Variants in PDK4 observed in about 807,000 individuals in gnomAD.
PDK4 encodes the protein pyruvate dehydrogenase kinase, isozyme 4.
PDK4 carries 43 observed loss-of-function variants against 51.7 expected under a neutral mutation model. The ratio of observed to expected loss-of-function variants is 0.83; its 90% CI spans 0.65 to 1.07. The LOEUF (loss-of-function observed/expected upper bound fraction) is 1.07, where lower values mean the gene tolerates loss of function less well. Ranked by LOEUF, PDK4 falls within the 50% of genes least tolerant of loss-of-function variation. The pLI is 0.00. For missense variants in PDK4, 498 were observed against 503.5 expected (o/e 0.99, Z 0.10); for synonymous variants, 170 against 176.6 (o/e 0.96, Z 0.30).
rs765846710 is a variant in PDK4 at position 95,591,970 on chromosome 7, AT to A, written c.694+17del. On this transcript the variant is annotated intron_variant, in intron 6 of 10. Coordinates refer to ENST00000005178, the MANE Select transcript of PDK4 (RefSeq NM_002612.4). ...CAGAATTTTCCACAGGTTAAAATAT[AT>A]TTTACTTATAACTTACCATTCACTT... The A allele has an allele frequency of 3.2e-6, 4 of 1,254,940 alleles. No homozygotes were observed. 77.7% of individuals were successfully genotyped at this position (1,254,940 alleles called of 1,614,324 possible).
chr7:95,584,219 C>T lies in PDK4; in HGVS notation c.*1422G>A, dbSNP rs535435215. On this transcript the variant is annotated 3_prime_UTR_variant, in exon 11 of 11. Transcript: ENST00000005178. ...AGAATCCATACTGCTTTCAAAACAC[C>T]AGTTCTTCCTCTTGCCAATGACATA... 3 of 152,254 alleles carry T rather than the reference C, an allele frequency of 2.0e-5. No individual in the cohort carries two copies. The South Asian group carries it at 6.2e-4, about 32-fold the overall frequency. 9.4% of individuals were successfully genotyped at this position (152,254 alleles called of 1,614,324 possible).
At position 95,588,613 on chromosome 7, in the gene PDK4, G is replaced by A. The variant is rs547182527; in HGVS notation, c.772-788C>T. On this transcript the variant is annotated intron_variant, in intron 7 of 10. Transcript: ENST00000005178. ...AGATCAGATGTTTGTAGTACAGTCA[G>A]TACCTCACAGCAGTAACATTAGAAT... Among the ~76,000 whole-genome samples the A allele has an allele frequency of 3.9e-5, 6 of 152,276 alleles. No individual in the cohort carries two copies. The East Asian group carries it at 9.7e-4, about 25-fold the overall frequency.
chr7:95,586,819 C>T (rs1791488363), intron 10 of PDK4, 191 bp downstream of exon 10: 1 of 468,502 alleles, frequency 2.1e-6, no homozygotes, highest in Admixed American at 3.5e-5. Flanking sequence ...GTAGTATGGC[C>T]CAGCTTCCTC....
At chr7:95,596,130 T>C in intron 1 of PDK4, 34 bp downstream of exon 1, 2 of 1,583,366 alleles carry the variant, frequency 1.3e-6, no homozygotes, top group Non-Finnish European at 1.7e-6. Context: ...TCCCCAACCC[T>C]AGGACCCAGC....
chr7:95,592,844 G>A lies in PDK4; in HGVS notation c.445C>T (p.Pro149Ser). The change falls in exon 4 of 11, where the codon CCA becomes TCA. Residue 149 changes from proline to serine, a missense_variant. Coordinates refer to ENST00000005178, the MANE Select transcript of PDK4 (RefSeq NM_002612.4). ...TATTGAAGATTTTGATTGGTGACTG[G>A]GTCAACTGTACAGGCATCTTTATAC... is the stretch of plus-strand genomic sequence containing the variant. Reference protein sequence around the residue: ...IEYKDACTVDPVTNQNLQYFL... With the variant: ...IEYKDACTVDSVTNQNLQYFL... The A allele has an allele frequency of 6.2e-7, 1 of 1,611,894 alleles. No individual in the cohort carries two copies. The highest frequency in any genetic ancestry group is 8.5e-7 in the Non-Finnish European group (1 of 1,178,204).
Position 95,592,032 on chromosome 7 carries a change from T to G in PDK4, c.650A>C (p.Gln217Pro), listed in dbSNP as rs769599517. ...TAATTCTGGAGATGATAAATAATAC[T>G]GATCACAGAGCATCCTTGAACACTC... is the stretch of plus-strand genomic sequence containing the variant. ...AFECSRMLCD[Q>P]YYLSSPELKL... Residue 217 changes from glutamine (Q) to proline (P), a missense_variant, in exon 6 of 11, where the codon CAG becomes CCG. Physicochemically the swap from Gln to Pro is moderately conservative, Grantham distance 76. Coordinates refer to ENST00000005178, the MANE Select transcript of PDK4 (RefSeq NM_002612.4). The G allele has an allele frequency of 6.3e-7, 1 of 1,584,514 alleles. No homozygotes were observed. Among genetic ancestry groups the G allele is most frequent in the Non-Finnish European group, 8.6e-7 (1 of 1,164,172 alleles).
chr7:95,596,239 G>T lies in PDK4; in HGVS notation c.55C>A (p.Leu19Met), dbSNP rs55761955. The T allele has an allele frequency of 6.9e-6, 11 of 1,599,466 alleles. No homozygotes were observed. In the East Asian group the frequency reaches 2.3e-4, roughly 33 times the overall value. ...AAATGCTCCACCTCTCGGGGCACCAGGCCGGCGCCGTTGAGCGAGCCAGCG... is the reference window on the plus strand; with the variant it reads ...AAATGCTCCACCTCTCGGGGCACCATGCCGGCGCCGTTGAGCGAGCCAGCG... ...RSAGSLNGAG[L>M]VPREVEHFSR... The change falls in exon 1 of 11, where the codon CTG (leucine) becomes ATG (methionine). Residue 19 changes from leucine to methionine, a missense_variant. Transcript: ENST00000005178.
intron 9 of PDK4, 32 bp downstream of exon 9, chr7:95,587,386 T>G: frequency 4.0e-5 from 50 of 1,261,372 alleles, no homozygotes; most frequent in Non-Finnish European, 5.2e-5. Context: ...ACTAGGTGGC[T>G]GAGATTAATT....
At chr7:95,587,313 T>A in intron 9 of PDK4, 105 bp downstream of exon 9, 2 of 786,170 alleles carry the variant, frequency 2.5e-6, no homozygotes, top group Non-Finnish European at 4.3e-6. Context: ...CCTTCATGTC[T>A]AATTTTACTT....
chr7:95,588,190 A>G (rs576687519), intron 7 of PDK4, among the ~76,000 whole-genome samples: 17 of 152,202 alleles, frequency 1.1e-4, no homozygotes, highest in Non-Finnish European at 2.1e-4. Flanking sequence ...AGCACCAAAG[A>G]CTACTATATA....
intron 6 of PDK4, among the ~76,000 whole-genome samples, chr7:95,590,732 T>C (rs1196726399): frequency 6.6e-6 from 1 of 152,230 alleles, no homozygotes; most frequent in Non-Finnish European, 1.5e-5. Flanking sequence ...CAAAAACTGT[T>C]CCTGTATAAA....
At position 95,585,628 on chromosome 7, in the gene PDK4, T is replaced by C. The variant is rs1791471793; in HGVS notation, c.*13A>G. On this transcript the variant is annotated 3_prime_UTR_variant, in exon 11 of 11. Transcript: ENST00000005178. ...CCCACTTTGATCCCGTAAAGTGTCC[T>C]GAGTGTCCCTCTTCACATGGCCACT... 6.2e-7 allele frequency: 1 copy of C among 1,600,142 alleles called. No individual in the cohort carries two copies. The highest frequency in any genetic ancestry group is 8.5e-7 in the Non-Finnish European group (1 of 1,170,072).
At chr7:95,590,579 G>A (rs558297602) in intron 6 of PDK4, among the ~76,000 whole-genome samples, 1 of 152,134 alleles carries the variant, frequency 6.6e-6, no homozygotes, top group Non-Finnish European at 1.5e-5. Flanking sequence ...TTATCTACAA[G>A]TATTATGCAA....
chr7:95,586,207 T>TGTTTTTG (rs1352219530), intron 10 of PDK4, among the ~76,000 whole-genome samples: 5 of 149,466 alleles, frequency 3.3e-5, no homozygotes, highest in African/African-American at 1.2e-4. Flanking sequence ...TTTTTTTTTT[T>TGTTTTTG]TTTTTGAGAC....
In PDK4 at chr7:95,596,153, T is replaced by TCC. The variant is rs1488529478; in HGVS notation, c.130+9_130+10dup. The TCC allele has an allele frequency of 3.8e-6, 6 of 1,598,918 alleles. No individual in the cohort carries two copies. The highest frequency in any genetic ancestry group is 5.1e-6 in the Non-Finnish European group (6 of 1,173,218). On this transcript the variant is annotated intron_variant, in intron 1 of 10. Coordinates refer to ENST00000005178, the MANE Select transcript of PDK4 (RefSeq NM_002612.4). ...CCTAGGACCCAGCTTGGGCCCTGTG[T>TCC]CCCCTCTCACCAAAGTCCAGTAGCT... is the stretch of plus-strand genomic sequence containing the variant.
Position 95,589,660 on chromosome 7 carries a change from T to C in PDK4, c.751A>G (p.Met251Val), listed in dbSNP as rs1166442172. 6.4e-7 allele frequency: 1 copy of C among 1,573,508 alleles called. No homozygotes were observed. Among genetic ancestry groups the C allele is most frequent in the Non-Finnish European group, 8.7e-7 (1 of 1,143,892 alleles). ...CATACCTTAAATAGTTCAAAGAGCA[T>C]ATGATGGAGGTGAGAAGGAACATAC... ...IVYVPSHLHH[M>V]LFELFKNAMR... Residue 251 changes from methionine (M) to valine (V), a missense_variant, in exon 7 of 11, where the codon ATG becomes GTG. Physicochemically the swap from Met to Val is conservative, Grantham distance 21 (BLOSUM62 1). Coordinates refer to ENST00000005178, the MANE Select transcript of PDK4 (RefSeq NM_002612.4).
chr7:95,586,298 A>G (rs10265896), intron 10 of PDK4, among the ~76,000 whole-genome samples: 64,289 of 149,724 alleles, frequency 0.43, 14,572 homozygotes, highest in East Asian at 0.83. Flanking sequence ...GGGTTCAAGC[A>G]ATTCTCTTGC....
Position 95,593,751 on chromosome 7 carries a change from C to A in PDK4, c.292G>T (p.Asp98Tyr), listed in dbSNP as rs777118998. The A allele has an allele frequency of 3.8e-6, 6 of 1,560,258 alleles. No homozygotes were observed. The highest frequency in any genetic ancestry group is 5.3e-6 in the Non-Finnish European group (6 of 1,131,276). The change falls in exon 3 of 11, where the codon GAT becomes TAT. Residue 98 changes from aspartate (D) to tyrosine (Y), a missense_variant. Transcript: ENST00000005178. Reference sequence around the variant, plus strand: ...CTTTTCTCATGGAATTCCACCAAATCCATCAGGCTCTGTATATACCTGTAA... The same window carrying A: ...CTTTTCTCATGGAATTCCACCAAATACATCAGGCTCTGTATATACCTGTAA... ...VKSWYIQSLM[D>Y]LVEFHEKSPD...
chr7:95,587,196 G>T (rs552783951), intron 9 of PDK4, 73 bp from the exon 10 acceptor site: 5 of 873,372 alleles, frequency 5.7e-6, no homozygotes, highest in Admixed American at 2.0e-5. Flanking sequence ...GGAAATTACT[G>T]TCCTCACTGA....
Sources: allele counts gnomAD v4.1 joint callset (sites outside exome capture counted in the v4.1 genomes callset), GRCh38; gene constraint gnomAD v4.1.1; transcripts MANE v1.5; gene names NCBI Gene and HGNC (gene_info 2026-07-23, HGNC 2026-07-21).